The following ANKRD44 variants were observed in gnomAD, a reference collection of about 807,000 sequenced individuals.
The protein encoded by ANKRD44 is serine/threonine-protein phosphatase 6 regulatory ankyrin repeat subunit B.
ANKRD44 carries 35 observed loss-of-function variants against 116.0 expected under a neutral mutation model. The ratio of observed to expected loss-of-function variants is 0.30; its 90% CI spans 0.23 to 0.40. ANKRD44 has a LOEUF of 0.40. ANKRD44 is among the 10% of genes least tolerant of loss of function. The probability of loss-of-function intolerance (pLI) is 1.00; values close to 1 mark genes in which losing one functional copy is unlikely to be tolerated. For missense variants in ANKRD44, 1,014 were observed against 1,242.6 expected (o/e 0.82, Z 2.77); for synonymous variants, 435 against 461.8 (o/e 0.94, Z 0.74).
intron 27 of ANKRD44, chr2:196,989,989 C>T: frequency 9.6e-7 from 1 of 1,045,648 alleles, no homozygotes; most frequent in Non-Finnish European, 1.2e-6. Flanking sequence ...AATTTGGGTT[C>T]AATCACTTAA....
chr2:197,186,048 T>G (rs2080649742), intron 2 of ANKRD44, among the ~76,000 whole-genome samples: 2 of 152,202 alleles, frequency 1.3e-5, no homozygotes, highest in South Asian at 4.1e-4. Flanking sequence ...AACACCAAAT[T>G]TGAATTTCAG....
intron 19 of ANKRD44, among the ~76,000 whole-genome samples, chr2:197,008,669 G>C (rs2076242402): frequency 6.6e-6 from 1 of 152,218 alleles, no homozygotes; most frequent in South Asian, 2.1e-4. Context: ...CGGAAAGAGG[G>C]AACAAAGGAG....
intron 1 of ANKRD44, among the ~76,000 whole-genome samples, chr2:197,266,177 G>A (rs1176013506): frequency 6.6e-6 from 1 of 152,110 alleles, no homozygotes; most frequent in Non-Finnish European, 1.5e-5. Flanking sequence ...TAGTCTTTCA[G>A]GGGTTCAGCT....
At chr2:197,177,750 A>G (rs2080402151) in intron 2 of ANKRD44, among the ~76,000 whole-genome samples, 1 of 152,182 alleles carries the variant, frequency 6.6e-6, no homozygotes, top group African/African-American at 2.4e-5. Flanking sequence ...TTTGGAGAAT[A>G]TTCTTCTAGA....
intron 1 of ANKRD44, among the ~76,000 whole-genome samples, chr2:197,300,736 C>T (rs900533621): frequency 6.0e-5 from 9 of 150,508 alleles, no homozygotes; most frequent in African/African-American, 9.8e-5. Flanking sequence ...AAAAATTACT[C>T]GACCTCTCAG....
In ANKRD44 at chr2:196,998,980, T is replaced by A. The variant is rs756162515; in HGVS notation, c.2592A>T (p.Pro864=). 1 of 1,614,126 alleles carries A rather than the reference T, an allele frequency of 6.2e-7. No homozygotes were observed. Among genetic ancestry groups the A allele is most frequent in the Non-Finnish European group, 8.5e-7 (1 of 1,180,046 alleles). The change falls in exon 24 of 28, where the codon CCA becomes CCT. Residue 864 remains proline, a synonymous_variant. Coordinates refer to ENST00000282272, the MANE Select transcript of ANKRD44 (RefSeq NM_001195144.2). ...CLQLLLRHSA[P]VNAVDNSGKT... ...TCCCTGAATTATCTACTGCGTTCACTGGAGCACTGTGTCTCAGAAGAAGCT... is the reference window on the plus strand; with the variant it reads ...TCCCTGAATTATCTACTGCGTTCACAGGAGCACTGTGTCTCAGAAGAAGCT...
intron 1 of ANKRD44, among the ~76,000 whole-genome samples, chr2:197,257,160 G>A (rs1243447862): frequency 6.6e-6 from 1 of 152,192 alleles, no homozygotes; most frequent in Admixed American, 6.5e-5. Flanking sequence ...GACTCTCTTG[G>A]AGGTGGCAGC....
intron 16 of ANKRD44, chr2:197,078,037 G>A (rs762936726): frequency 6.6e-6 from 1 of 152,060 alleles, no homozygotes; most frequent in Non-Finnish European, 1.5e-5. Flanking sequence ...ATACAAAGAA[G>A]GTGTTAGGAT....
chr2:197,222,233 C>G (rs905982870), intron 1 of ANKRD44, among the ~76,000 whole-genome samples: 5 of 152,060 alleles, frequency 3.3e-5, no homozygotes, highest in African/African-American at 9.7e-5. Flanking sequence ...CCCCATGGTA[C>G]CTGCTGGTGC....
At chr2:197,032,162 T>C (rs1439979840) in intron 16 of ANKRD44, among the ~76,000 whole-genome samples, 1 of 152,148 alleles carries the variant, frequency 6.6e-6, no homozygotes, top group East Asian at 1.9e-4. Flanking sequence ...ACCAGGTCAT[T>C]ATCAGAAGAG....
chr2:196,985,678 G>A (rs892822831), downstream of ANKRD44, among the ~76,000 whole-genome samples: 1 of 152,188 alleles, frequency 6.6e-6, no homozygotes, highest in South Asian at 2.1e-4. Context: ...CTGGTGATGT[G>A]ACTGGGCTGG....
At chr2:197,001,312 A>G (rs1048972974) in intron 22 of ANKRD44, among the ~76,000 whole-genome samples, 84 of 152,248 alleles carry the variant, frequency 5.5e-4, no homozygotes, top group African/African-American at 2.0e-3. Context: ...GACTGGAGCA[A>G]AAATTAAATT....
chr2:197,217,033 T>C (rs1290335378), intron 1 of ANKRD44, among the ~76,000 whole-genome samples: 4 of 152,196 alleles, frequency 2.6e-5, no homozygotes, highest in Non-Finnish European at 5.9e-5. Context: ...ACCAGCACTC[T>C]AAGAGGACTC....
intron 1 of ANKRD44, among the ~76,000 whole-genome samples, chr2:197,278,594 C>T (rs1423093874): frequency 6.6e-6 from 1 of 152,204 alleles, no homozygotes; most frequent in African/African-American, 2.4e-5. Context: ...CCTCAGCCTC[C>T]CAAAGTTCTG....
chr2:197,123,738 T>C (rs2078912350), intron 6 of ANKRD44, among the ~76,000 whole-genome samples: 1 of 152,108 alleles, frequency 6.6e-6, no homozygotes. Flanking sequence ...TGGCTGAAAA[T>C]TGAAGGGTAG....
intron 21 of ANKRD44, among the ~76,000 whole-genome samples, chr2:196,979,554 C>CCTT (rs2075785197): frequency 6.7e-5 from 4 of 59,644 alleles, no homozygotes; most frequent in African/African-American, 2.6e-4. Context: ...AATAAGATGA[C>CCTT]TTTTTTTTTT....
chr2:197,115,064 G>C (rs1574483635), intron 8 of ANKRD44, among the ~76,000 whole-genome samples: 1 of 152,106 alleles, frequency 6.6e-6, no homozygotes, highest in Non-Finnish European at 1.5e-5. Flanking sequence ...GGTACATATA[G>C]AGAAGGGAAC....
At chr2:197,074,660 G>A (rs1221777595) in intron 16 of ANKRD44, among the ~76,000 whole-genome samples, 1 of 152,032 alleles carries the variant, frequency 6.6e-6, no homozygotes, top group Non-Finnish European at 1.5e-5. Context: ...AAATACTTTT[G>A]TAGAGACAAG....
At chr2:197,009,979 T>A (rs2076268445) in intron 18 of ANKRD44, among the ~76,000 whole-genome samples, 2 of 151,802 alleles carry the variant, frequency 1.3e-5, no homozygotes, top group African/African-American at 2.4e-5. Flanking sequence ...CTACCCTGCC[T>A]CCAACCCCTT....
Sources: allele counts gnomAD v4.1 joint callset (sites outside exome capture counted in the v4.1 genomes callset), GRCh38; gene constraint gnomAD v4.1.1; transcripts MANE v1.5; gene names NCBI Gene and HGNC (gene_info 2026-07-23, HGNC 2026-07-21).